The following OR7E24 variants were observed in gnomAD, a reference collection of about 807,000 sequenced individuals.
OR7E24 encodes olfactory receptor family 7 subfamily E member 24.
For synonymous variants in OR7E24, 130 were observed against 157.5 expected (o/e 0.83, Z 1.31); for missense variants, 385 against 410.3 (o/e 0.94, Z 0.53).
At chr19:9,217,371 T>C in the OR7E24 span, among the ~76,000 whole-genome samples, 4 of 152,174 alleles carry the variant, frequency 2.6e-5, no homozygotes, top group Non-Finnish European at 5.9e-5. Context: ...AAATTTGCAT[T>C]TTTCATGATG....
chr19:9,251,062 C>A lies in OR7E24; in HGVS notation c.19C>A (p.Leu7Ile), dbSNP rs541387751. Residue 7 changes from leucine to isoleucine, a missense_variant, in exon 1 of 1, where the codon CTC becomes ATC. Coordinates refer to ENST00000456448, the MANE Select transcript of OR7E24 (RefSeq NM_001079935.2). MSYFPI[L>I]FFFFLKRCPS... ...TTTACTTATGTCCTATTTTCCAATT[C>A]TCTTTTTTTTTTTCCTCAAAAGGTG... 1 of 1,589,894 alleles carries A rather than the reference C, an allele frequency of 6.3e-7. No individual in the cohort carries two copies. Among genetic ancestry groups the A allele is most frequent in the East Asian group, 2.3e-5 (1 of 44,354 alleles).
At chr19:9,213,752 T>TAAC in the OR7E24 span, 1 of 636,122 alleles carries the variant, frequency 1.6e-6, no homozygotes, top group Non-Finnish European at 2.7e-6. Context: ...ACAATAACAA[T>TAAC]AACAACAACA....
At chr19:9,235,791 C>T in the OR7E24 span, 4 of 1,610,546 alleles carry the variant, frequency 2.5e-6, no homozygotes, top group African/African-American at 5.3e-5. Context: ...GGATCCTCTT[C>T]TCCTACTCTC....
upstream of OR7E24, among the ~76,000 whole-genome samples, chr19:9,244,029 A>G (rs2144934380): frequency 6.6e-6 from 1 of 152,314 alleles, no homozygotes; most frequent in Admixed American, 6.5e-5. Flanking sequence ...CAGACCCATC[A>G]GTGACCACTG....
At chr19:9,224,516 G>T in the OR7E24 span, among the ~76,000 whole-genome samples, 1 of 152,094 alleles carries the variant, frequency 6.6e-6, no homozygotes, top group Non-Finnish European at 1.5e-5. Context: ...AGCACTTTGG[G>T]AGGCTGAGGC....
the OR7E24 span, chr19:9,213,827 C>T: frequency 1.1e-5 from 12 of 1,067,046 alleles, no homozygotes; most frequent in African/African-American, 1.1e-4. Flanking sequence ...GAAAAAGAGC[C>T]GGATATTTAA....
At chr19:9,224,775 A>G in the OR7E24 span, among the ~76,000 whole-genome samples, 1 of 151,992 alleles carries the variant, frequency 6.6e-6, no homozygotes, top group Non-Finnish European at 1.5e-5. Context: ...AACAAAAAAA[A>G]AAAAGAGAGA....
At chr19:9,225,122 C>G in the OR7E24 span, among the ~76,000 whole-genome samples, 6 of 152,062 alleles carry the variant, frequency 3.9e-5, no homozygotes, top group African/African-American at 1.2e-4. Flanking sequence ...TGTCTGTAAT[C>G]CCAGCACATT....
At chr19:9,236,778 G>A in the OR7E24 span, among the ~76,000 whole-genome samples, 3 of 152,084 alleles carry the variant, frequency 2.0e-5, no homozygotes, top group South Asian at 2.1e-4. Context: ...ACGCGTCCTC[G>A]AAAATGATCC....
At chr19:9,236,466 C>T in the OR7E24 span, among the ~76,000 whole-genome samples, 173 of 151,846 alleles carry the variant, frequency 1.1e-3, no homozygotes, top group African/African-American at 3.9e-3. Context: ...GCCGAGGTAG[C>T]ACCACTGCAC....
the OR7E24 span, among the ~76,000 whole-genome samples, chr19:9,238,314 A>G: frequency 0.012 from 1,823 of 152,054 alleles, 82 homozygotes; most frequent in East Asian, 0.14. Flanking sequence ...AAAACAATGA[A>G]GTGGTGTCTC....
chr19:9,213,309 A>G, the OR7E24 span: 2 of 152,652 alleles, frequency 1.3e-5, no homozygotes, highest in African/African-American at 4.8e-5. Context: ...AAGAAAACTG[A>G]TCAAAGATGG....
At chr19:9,235,698 C>A in the OR7E24 span, 1 of 1,603,674 alleles carries the variant, frequency 6.2e-7, no homozygotes, top group Non-Finnish European at 8.5e-7. Flanking sequence ...CTCAGGTCCT[C>A]AAGGTGGCCC....
the OR7E24 span, chr19:9,214,739 G>A: frequency 1.2e-6 from 2 of 1,613,910 alleles, no homozygotes; most frequent in African/African-American, 1.3e-5. Flanking sequence ...CCAGGTACAT[G>A]GACAGGAACA....
chr19:9,249,947 T>A (rs1490036703), upstream of OR7E24, among the ~76,000 whole-genome samples: 1 of 151,818 alleles, frequency 6.6e-6, no homozygotes, highest in African/African-American at 2.4e-5. Context: ...GGCTCAAAAC[T>A]TCGAGACTCA....
chr19:9,249,869 C>T (rs542540005), upstream of OR7E24, among the ~76,000 whole-genome samples: 2 of 152,048 alleles, frequency 1.3e-5, no homozygotes, highest in Admixed American at 6.5e-5. Context: ...GCATAAGAAT[C>T]GCTTGAACCC....
At chr19:9,223,701 T>A in the OR7E24 span, among the ~76,000 whole-genome samples, 1 of 151,730 alleles carries the variant, frequency 6.6e-6, no homozygotes, top group African/African-American at 2.4e-5. Flanking sequence ...CAAGCCAATC[T>A]GTCTATAAAG....
At chr19:9,231,537 GC>G in the OR7E24 span, among the ~76,000 whole-genome samples, 1 of 152,110 alleles carries the variant, frequency 6.6e-6, no homozygotes, top group Non-Finnish European at 1.5e-5. Context: ...CCGAGATTGC[GC>G]CACTGCGCTC....
the OR7E24 span, among the ~76,000 whole-genome samples, chr19:9,236,518 G>GA: frequency 5.3e-5 from 8 of 150,478 alleles, no homozygotes; most frequent in African/African-American, 1.7e-4. Context: ...TGAAAAAAAA[G>GA]AAAAAAAAGG....
Sources: gnomAD v4.1 joint callset for allele counts (sites outside exome capture counted in the v4.1 genomes callset) on GRCh38, gnomAD v4.1.1 for gene constraint, MANE v1.5 for transcripts, NCBI Gene and HGNC (gene_info 2026-07-23, HGNC 2026-07-21) for gene names.